TDRD10: variants seen among roughly 807,000 people sequenced by gnomAD.
TDRD10 encodes tudor domain-containing protein 10.
TDRD10 carries 40 observed loss-of-function variants against 48.0 expected under a neutral mutation model. The ratio of observed to expected loss-of-function variants is 0.83; its 90% CI spans 0.65 to 1.09. The LOEUF (loss-of-function observed/expected upper bound fraction) is 1.09, where lower values mean the gene tolerates loss of function less well. Ranked by LOEUF, TDRD10 falls within the 50% of genes least tolerant of loss-of-function variation. TDRD10 has a pLI of 0.00. For synonymous variants in TDRD10, 162 were observed against 170.4 expected, an observed-to-expected ratio of 0.95 and a Z score of 0.38; for missense variants, 378 against 434.7, an observed-to-expected ratio of 0.87 and a Z score of 1.16.
chr1:154,509,748 C>A (rs1693341405), intron 4 of TDRD10: 1 of 944,042 alleles, frequency 1.1e-6, no homozygotes, highest in African/African-American at 1.8e-5. Context: ...TTCCTGGCAC[C>A]TGATAGACGA....
intron 6 of TDRD10, among the ~76,000 whole-genome samples, chr1:154,540,660 G>A (rs1395528783): frequency 6.6e-6 from 1 of 152,170 alleles, no homozygotes; most frequent in Non-Finnish European, 1.5e-5. Context: ...CCTGTCAAGT[G>A]GACATCACAT....
intron 5 of TDRD10, 94 bp from the exon 6 acceptor site, chr1:154,521,229 C>A: frequency 8.0e-7 from 1 of 1,244,354 alleles, no homozygotes; most frequent in Non-Finnish European, 1.2e-6. Context: ...AGAGAAAGGA[C>A]ACTGGCCTTC....
chr1:154,528,049 A>G (rs1481481104), intron 6 of TDRD10, among the ~76,000 whole-genome samples: 1 of 151,988 alleles, frequency 6.6e-6, no homozygotes, highest in Non-Finnish European at 1.5e-5. Flanking sequence ...TTTGTTCTAT[A>G]GTTTTTGTTT....
chr1:154,531,307 G>A (rs1294003130), intron 6 of TDRD10, among the ~76,000 whole-genome samples: 1 of 152,150 alleles, frequency 6.6e-6, no homozygotes, highest in African/African-American at 2.4e-5. Context: ...GTCTTTTTGT[G>A]TCTGGAATTG....
intron 6 of TDRD10, chr1:154,534,649 A>G (rs1182566567): frequency 6.6e-6 from 1 of 152,158 alleles, no homozygotes; most frequent in Non-Finnish European, 1.5e-5. Context: ...GATGTTTTCA[A>G]TTTCTTGTAT....
At chr1:154,508,608 T>A in intron 4 of TDRD10, 127 bp downstream of exon 4, 1 of 706,406 alleles carries the variant, frequency 1.4e-6, no homozygotes, top group East Asian at 2.5e-5. Context: ...AGACAGTCAC[T>A]CGTTGGTGAC....
intron 8 of TDRD10, among the ~76,000 whole-genome samples, chr1:154,543,097 G>A (rs535028004): frequency 2.6e-5 from 4 of 152,138 alleles, no homozygotes; most frequent in East Asian, 1.9e-4. Context: ...CCAACATGGC[G>A]AAACCCCATC....
chr1:154,531,682 A>G (rs1303824467), intron 6 of TDRD10, among the ~76,000 whole-genome samples: 1 of 152,196 alleles, frequency 6.6e-6, no homozygotes, highest in African/African-American at 2.4e-5. Context: ...CGAAAGAACA[A>G]AGCTTCCACA....
chr1:154,523,504 C>T (rs1694162719), intron 6 of TDRD10, among the ~76,000 whole-genome samples: 1 of 152,162 alleles, frequency 6.6e-6, no homozygotes, highest in Admixed American at 6.5e-5. Flanking sequence ...TGCTGATGCT[C>T]CTGGCCCTGG....
At chr1:154,514,792 A>G (rs1693662316) in intron 4 of TDRD10, among the ~76,000 whole-genome samples, 1 of 152,048 alleles carries the variant, frequency 6.6e-6, no homozygotes, top group African/African-American at 2.4e-5. Context: ...GGCCCAAGCA[A>G]GCCCCCTATC....
intron 11 of TDRD10, among the ~76,000 whole-genome samples, chr1:154,546,166 T>C (rs60931472): frequency 0.19 from 28,611 of 150,624 alleles, 2,939 homozygotes; most frequent in South Asian, 0.23. Context: ...TTCTGCCTCC[T>C]GGGATCAAGC....
intron 6 of TDRD10, among the ~76,000 whole-genome samples, chr1:154,526,401 A>C (rs1694318758): frequency 1.4e-5 from 2 of 141,436 alleles, no homozygotes; most frequent in Admixed American, 7.9e-5. Flanking sequence ...AACAAAACCC[A>C]AAACAACTTT....
At chr1:154,531,235 C>T (rs1444830291) in intron 6 of TDRD10, among the ~76,000 whole-genome samples, 1 of 152,186 alleles carries the variant, frequency 6.6e-6, no homozygotes, top group Non-Finnish European at 1.5e-5. Context: ...TTTGTCGTGG[C>T]TGCTTTAAAA....
chr1:154,520,313 C>T lies in TDRD10; in HGVS notation c.151C>T (p.Leu51=). 1 of 1,612,986 alleles carries T rather than the reference C, an allele frequency of 6.2e-7. No homozygotes were observed. Among genetic ancestry groups the T allele is most frequent in the East Asian group, 2.2e-5 (1 of 44,880 alleles). The change falls in exon 5 of 13, where the codon CTG becomes TTG. Residue 51 remains leucine (L), a synonymous_variant. Transcript: ENST00000368482. ...AACCCTGCTGTTGTAGGAGGAAATT[C>T]TGTACCTTCTAAAGGACTTCAACCC... ...LPLDISKEEI[L]YLLKDFNPLD...
Position 154,548,077 on chromosome 1 carries a change from C to A in TDRD10, c.*367C>A. ...AATGGAGAAGCCCTCTGCTGGTTTTCCTGGCATTCCATGTAGAATAGGTAG... is the reference window on the plus strand; with the variant it reads ...AATGGAGAAGCCCTCTGCTGGTTTTACTGGCATTCCATGTAGAATAGGTAG... On this transcript the variant is annotated 3_prime_UTR_variant, in exon 13 of 13. Coordinates refer to ENST00000368482, the MANE Select transcript of TDRD10 (RefSeq NM_182499.4). The A allele has an allele frequency of 3.4e-6, 1 of 294,304 alleles. No individual in the cohort carries two copies. The highest frequency in any genetic ancestry group is 6.4e-6 in the Non-Finnish European group (1 of 157,160). 18.2% of individuals were successfully genotyped at this position (294,304 alleles called of 1,614,324 possible).
At chr1:154,515,256 C>T (rs532080967) in intron 4 of TDRD10, among the ~76,000 whole-genome samples, 3 of 152,198 alleles carry the variant, frequency 2.0e-5, no homozygotes, top group South Asian at 4.1e-4. Flanking sequence ...CCTCGGCCTC[C>T]CAAAGTGCTG....
chr1:154,537,350 TA>T (rs1287085076), intron 6 of TDRD10, among the ~76,000 whole-genome samples: 1 of 152,212 alleles, frequency 6.6e-6, no homozygotes, highest in African/African-American at 2.4e-5. Context: ...TGTGGGTGAC[TA>T]AAGGGGGGCT....
At chr1:154,522,195 T>G (rs1468845199) in intron 6 of TDRD10, among the ~76,000 whole-genome samples, 2 of 152,142 alleles carry the variant, frequency 1.3e-5, no homozygotes, top group Non-Finnish European at 2.9e-5. Flanking sequence ...TATGGTGGTA[T>G]CAGGGTTCTA....
chr1:154,522,253 T>C (rs1557822254), intron 6 of TDRD10, among the ~76,000 whole-genome samples: 1 of 152,152 alleles, frequency 6.6e-6, no homozygotes, highest in Non-Finnish European at 1.5e-5. Context: ...CTGTGTCCTC[T>C]TAAAAGGTGC....
Sources: gnomAD v4.1 joint callset for allele counts (sites outside exome capture counted in the v4.1 genomes callset) on GRCh38, gnomAD v4.1.1 for gene constraint, MANE v1.5 for transcripts, NCBI Gene and HGNC (gene_info 2026-07-23, HGNC 2026-07-21) for gene names.